KPNA3: variants seen among roughly 807,000 people sequenced by gnomAD.
The protein encoded by KPNA3 is karyopherin subunit alpha 3.
Under a neutral mutation model 73.8 loss-of-function variants are expected in KPNA3, and 13 were observed. That is an observed-to-expected ratio of 0.18 (90% CI 0.11 to 0.28). KPNA3 has a LOEUF of 0.28. Ranked by LOEUF, KPNA3 falls within the 10% of genes least tolerant of loss-of-function variation. KPNA3 has a pLI of 1.00. For synonymous variants in KPNA3, 186 were observed against 206.9 expected (o/e 0.90, Z 0.87); for missense variants, 360 against 618.1 (o/e 0.58, Z 4.43).
intron 1 of KPNA3, among the ~76,000 whole-genome samples, chr13:49,753,380 C>T (rs1387912883): frequency 2.0e-5 from 3 of 152,172 alleles, no homozygotes; most frequent in East Asian, 3.9e-4. Context: ...CCAGTCAGAA[C>T]CACTAAATTT....
chr13:49,721,972 T>A lies in KPNA3; in HGVS notation c.709A>T (p.Met237Leu). The A allele has an allele frequency of 6.3e-7, 1 of 1,591,802 alleles. No individual in the cohort carries two copies. The highest frequency in any genetic ancestry group is 1.3e-5 in the African/African-American group (1 of 74,078). The change falls in exon 9 of 17, where the codon ATG (methionine) becomes TTG (leucine). Residue 237 changes from methionine to leucine, a missense_variant. Physicochemically the swap from Met to Leu is conservative, Grantham distance 15. This residue lies in a region of KPNA3 where 287 missense variants were observed against 549.1 expected (regional missense o/e 0.52). Transcript: ENST00000261667. Reference protein sequence around the residue: ...LCRNKDPPPPMETVQEILPAL... With the variant: ...LCRNKDPPPPLETVQEILPAL... ...TCATTTACCTCCTGAACTGTCTCCA[T>A]AGGCGGCGGGGGATCCTTATTCCTG...
chr13:49,772,889 C>A (rs1335243569), intron 1 of KPNA3, among the ~76,000 whole-genome samples: 2 of 152,164 alleles, frequency 1.3e-5, no homozygotes, highest in African/African-American at 4.8e-5. Context: ...AACACATAGA[C>A]TTGTACTGAT....
intron 15 of KPNA3, among the ~76,000 whole-genome samples, chr13:49,704,070 A>G (rs1473440178): frequency 1.3e-5 from 2 of 152,138 alleles, no homozygotes; most frequent in Non-Finnish European, 1.5e-5. Flanking sequence ...TTCTATCACA[A>G]CCTACTTCTG....
At chr13:49,735,185 C>T (rs541433039) in intron 2 of KPNA3, among the ~76,000 whole-genome samples, 346 of 152,174 alleles carry the variant, frequency 2.3e-3, no homozygotes, top group African/African-American at 7.2e-3. Context: ...TGCAATGGTG[C>T]GATCTCAGCT....
chr13:49,762,341 G>C (rs1421632353), intron 1 of KPNA3, among the ~76,000 whole-genome samples: 2 of 152,180 alleles, frequency 1.3e-5, no homozygotes, highest in South Asian at 4.1e-4. Flanking sequence ...CCCTCTGCCC[G>C]GCCACCACTC....
At position 49,701,464 on chromosome 13, in the gene KPNA3, G is replaced by C. The variant is rs1954146958; in HGVS notation, c.*336C>G. 2.1e-6 allele frequency: 1 copy of C among 483,036 alleles called. No individual in the cohort carries two copies. The highest frequency in any genetic ancestry group is 4.3e-6 in the Non-Finnish European group (1 of 235,162). The allele number at this position is 483,036 out of a possible 1,614,324, so 29.9% of individuals were successfully genotyped here. Reference sequence around the variant, plus strand: ...CGCACCATTTTCCAAAGGAGTATCAGTGGGCAGCTGACATGTCACCACTAT... The same window carrying C: ...CGCACCATTTTCCAAAGGAGTATCACTGGGCAGCTGACATGTCACCACTAT... On this transcript the variant is annotated 3_prime_UTR_variant, in exon 17 of 17. Transcript: ENST00000261667.
chr13:49,765,528 G>T (rs1034908239), intron 1 of KPNA3, among the ~76,000 whole-genome samples: 1 of 152,056 alleles, frequency 6.6e-6, no homozygotes, highest in Non-Finnish European at 1.5e-5. Context: ...TCTGAGAGGA[G>T]GTCTCACTAT....
rs1283088106 is a variant in KPNA3 at position 49,747,099 on chromosome 13, T to C, written c.70-106A>G. On this transcript the variant is annotated intron_variant, in intron 1 of 16. Coordinates refer to ENST00000261667, the MANE Select transcript of KPNA3 (RefSeq NM_002267.4). ...GCTCATGCCTATAATCCTAGCACTT[T>C]GGGAGGCCGAGGCGGGCAGATCACT... The C allele has an allele frequency of 6.6e-6, 5 of 759,270 alleles. No individual in the cohort carries two copies. The Admixed American group carries it at 1.3e-4, about 20-fold the overall frequency. 47.0% of individuals were successfully genotyped at this position (759,270 alleles called of 1,614,324 possible). A position where few individuals can be genotyped will look rare whatever the true frequency, so the allele number is the denominator to read the frequency against.
chr13:49,722,632 A>T, intron 7 of KPNA3, 69 bp from the exon 8 acceptor site: 1 of 898,538 alleles, frequency 1.1e-6, no homozygotes, highest in Non-Finnish European at 1.8e-6. Context: ...CAGATCAAAG[A>T]AATTGATCAA....
intron 2 of KPNA3, among the ~76,000 whole-genome samples, chr13:49,745,879 C>T (rs1448178221): frequency 2.7e-5 from 4 of 150,164 alleles, no homozygotes; most frequent in Non-Finnish European, 4.4e-5. Context: ...CTGGCTAACA[C>T]GGTGAAACCC....
In KPNA3 at chr13:49,765,978, CAT is replaced by C. The variant is rs199705121; in HGVS notation, c.70-18987_70-18986del. ...CTGGATCACTCCCTAGAAAACCCCA[CAT>C]GTTCCTTAAGACATTCAAAACTGAG... On this transcript the variant is annotated intron_variant, in intron 1 of 16. Transcript: ENST00000261667. Among the ~76,000 whole-genome samples, 328 of 152,312 alleles carry C rather than the reference CAT, an allele frequency of 2.2e-3. 7 individuals are homozygous for C. The East Asian group carries it at 0.039, about 18-fold the overall frequency.
At chr13:49,727,484 G>T (rs552073263) in intron 6 of KPNA3, among the ~76,000 whole-genome samples, 4 of 150,794 alleles carry the variant, frequency 2.7e-5, no homozygotes, top group Non-Finnish European at 5.9e-5. Context: ...AGAGAAAAAA[G>T]GTTGAAGAGA....
intron 1 of KPNA3, among the ~76,000 whole-genome samples, chr13:49,779,307 C>T (rs1316554700): frequency 2.6e-5 from 4 of 152,116 alleles, no homozygotes; most frequent in Non-Finnish European, 5.9e-5. Flanking sequence ...TACCCTGAAA[C>T]ACCTTTCCTT....
chr13:49,792,015 GCA>G (rs1483000307), intron 1 of KPNA3, among the ~76,000 whole-genome samples: 2 of 152,176 alleles, frequency 1.3e-5, no homozygotes, highest in Admixed American at 1.3e-4. Context: ...CGCGGGAGGC[GCA>G]GAGGGGGCTG....
intron 1 of KPNA3, among the ~76,000 whole-genome samples, chr13:49,787,311 T>C (rs1185836627): frequency 6.6e-6 from 1 of 152,124 alleles, no homozygotes; most frequent in African/African-American, 2.4e-5. Context: ...AAAAGGCAAA[T>C]AAATCTAATA....
intron 10 of KPNA3, among the ~76,000 whole-genome samples, chr13:49,712,546 A>G (rs79297983): frequency 0.02 from 3,086 of 152,260 alleles, 43 homozygotes; most frequent in South Asian, 0.03. Context: ...TTCCAGCACA[A>G]TAACAATAGA....
intron 2 of KPNA3, among the ~76,000 whole-genome samples, chr13:49,737,322 A>G (rs559845309): frequency 2.0e-5 from 3 of 152,250 alleles, no homozygotes; most frequent in Admixed American, 1.3e-4. Flanking sequence ...CACCACTAAC[A>G]TGAGTGATCA....
chr13:49,784,850 C>T (rs1472091892), intron 1 of KPNA3, among the ~76,000 whole-genome samples: 1 of 152,160 alleles, frequency 6.6e-6, no homozygotes. Context: ...GATACATAGT[C>T]TGTGCCCTCA....
At chr13:49,765,258 A>G (rs981143937) in intron 1 of KPNA3, among the ~76,000 whole-genome samples, 1 of 152,218 alleles carries the variant, frequency 6.6e-6, no homozygotes, top group African/African-American at 2.4e-5. Flanking sequence ...TGTAAGGGAA[A>G]ATCTAGTTAA....
Sources: gnomAD v4.1 joint callset for allele counts (sites outside exome capture counted in the v4.1 genomes callset) on GRCh38, gnomAD v4.1.1 for gene constraint, gnomAD v4.1.1 regional missense constraint, MANE v1.5 for transcripts, NCBI Gene and HGNC (gene_info 2026-07-23, HGNC 2026-07-21) for gene names.